DIAPH2: variants seen among roughly 807,000 people sequenced by gnomAD.
The protein encoded by DIAPH2 is diaphanous related formin 2.
DIAPH2 carries 35 observed loss-of-function variants against 92.7 expected under a neutral mutation model. The observed-to-expected ratio is 0.38, with a 90% confidence interval of 0.29 to 0.50. The LOEUF is 0.50. Ranked by LOEUF, DIAPH2 falls within the 20% of genes least tolerant of loss-of-function variation. DIAPH2 has a pLI of 0.94. For missense variants in DIAPH2, 701 were observed against 819.5 expected (o/e 0.86, Z 1.77); for synonymous variants, 301 against 280.4 (o/e 1.07, Z -0.73).
Position 96,870,875 on chromosome X carries a change from A to G in DIAPH2, c.448-10704A>G, listed in dbSNP as rs184112634. On this transcript the variant is annotated intron_variant, in intron 4 of 26. Transcript: ENST00000324765. ...GCAGTTTATATCTAGGCTGTAGGAT[A>G]CATTTATAATCTGCAAAAGTATTAT... Among the ~76,000 whole-genome samples, 164 of 112,247 alleles carry G rather than the reference A, an allele frequency of 1.5e-3. 1 individual carries two copies. Among genetic ancestry groups the G allele is most frequent in the African/African-American group, 4.9e-3 (153 of 30,920 alleles).
intron 17 of DIAPH2, among the ~76,000 whole-genome samples, chrX:97,029,494 T>C (rs1002636490): frequency 2.7e-5 from 3 of 111,847 alleles, no homozygotes; most frequent in African/African-American, 9.7e-5. Context: ...TTCATTTTCA[T>C]GTTAGTGTCT....
chrX:96,950,957 AG>A (rs1485011772), intron 15 of DIAPH2, among the ~76,000 whole-genome samples: 1 of 111,751 alleles, frequency 8.9e-6, no homozygotes, highest in African/African-American at 3.3e-5. Context: ...GATTAGTTAC[AG>A]AAATGGCAAT....
intron 3 of DIAPH2, among the ~76,000 whole-genome samples, chrX:96,740,721 A>C (rs2064113987): frequency 9.0e-6 from 1 of 111,622 alleles, no homozygotes; most frequent in African/African-American, 3.3e-5. Context: ...CATGGCTATT[A>C]AAATAGCCTC....
chrX:97,193,709 T>G (rs1267031689), intron 22 of DIAPH2, among the ~76,000 whole-genome samples: 6 of 112,108 alleles, frequency 5.4e-5, no homozygotes, highest in Non-Finnish European at 1.1e-4. Flanking sequence ...AATTACATGT[T>G]ATATGCATTT....
At chrX:96,857,157 T>C (rs1023739460) in intron 4 of DIAPH2, among the ~76,000 whole-genome samples, 7 of 111,842 alleles carry the variant, frequency 6.3e-5, no homozygotes, top group Non-Finnish European at 1.3e-4. Context: ...TTCTGAATTC[T>C]GGGGTTTTTT....
chrX:96,957,876 C>A lies in DIAPH2; in HGVS notation c.1663C>A (p.Pro555Thr). The A allele has an allele frequency of 8.3e-7, 1 of 1,211,136 alleles. No individual in the cohort carries two copies. Among genetic ancestry groups the A allele is most frequent in the South Asian group, 1.8e-5 (1 of 56,914 alleles). The change falls in exon 16 of 27, where the codon CCT (proline) becomes ACT (threonine). Residue 555 changes from proline (P) to threonine (T), a missense_variant. Coordinates refer to ENST00000324765, the MANE Select transcript of DIAPH2 (RefSeq NM_006729.5). ...AGGAATTCCAGGTCCTCCTGCAGCA[C>A]CTCCATTGCCAGGTGTAGGGCCGCC... Reference protein sequence around the residue: ...SSGIPGPPAAPPLPGVGPPPP... With the variant: ...SSGIPGPPAATPLPGVGPPPP...
intron 21 of DIAPH2, among the ~76,000 whole-genome samples, chrX:97,122,128 C>A (rs185324839): frequency 9.0e-6 from 1 of 111,387 alleles, no homozygotes; most frequent in Non-Finnish European, 1.9e-5. Context: ...ATTATAGAAC[C>A]AACTCTGGCA....
At chrX:97,185,503 A>ATG (rs1374067004) in intron 22 of DIAPH2, among the ~76,000 whole-genome samples, 2 of 58,851 alleles carry the variant, frequency 3.4e-5, no homozygotes, top group African/African-American at 1.3e-4. Context: ...ATATATATAT[A>ATG]TATATATATA....
intron 23 of DIAPH2, among the ~76,000 whole-genome samples, chrX:97,262,456 C>A (rs2068296618): frequency 8.9e-6 from 1 of 111,984 alleles, no homozygotes; most frequent in African/African-American, 3.2e-5. Context: ...AGACCAGTGG[C>A]TGGATTGCAG....
chrX:96,869,289 C>T (rs1028649959), intron 4 of DIAPH2, among the ~76,000 whole-genome samples: 2 of 110,404 alleles, frequency 1.8e-5, no homozygotes, highest in African/African-American at 6.6e-5. Context: ...TCAGGCCGGA[C>T]GTGGTAGCTC....
At chrX:97,237,468 C>T (rs948700451) in intron 22 of DIAPH2, among the ~76,000 whole-genome samples, 2 of 110,464 alleles carry the variant, frequency 1.8e-5, no homozygotes, top group African/African-American at 6.6e-5. Flanking sequence ...AATATCAAGT[C>T]GAAAAGACTT....
At chrX:97,292,737 C>G (rs185843908) in intron 23 of DIAPH2, among the ~76,000 whole-genome samples, 242 of 110,614 alleles carry the variant, frequency 2.2e-3, no homozygotes, top group African/African-American at 7.2e-3. Flanking sequence ...ATTTTTAAAA[C>G]TAGCTCATAC....
chrX:97,511,903 C>T (rs369298988), intron 26 of DIAPH2, among the ~76,000 whole-genome samples: 27,283 of 101,450 alleles, frequency 0.27, 946 homozygotes, highest in East Asian at 0.34. Context: ...CTGCTGGATT[C>T]GGTTTGCCAG....
chrX:97,325,407 ATTGAATAT>A (rs1456034244), intron 23 of DIAPH2, among the ~76,000 whole-genome samples: 23 of 111,681 alleles, frequency 2.1e-4, no homozygotes, highest in African/African-American at 7.2e-4. Context: ...TAATGGCTAC[ATTGAATAT>A]TAGTAGTTGA....
At chrX:96,961,888 C>T (rs867413752) in intron 16 of DIAPH2, among the ~76,000 whole-genome samples, 5 of 109,512 alleles carry the variant, frequency 4.6e-5, no homozygotes, top group South Asian at 3.9e-4. Context: ...AGAAGATACT[C>T]GATATGATTT....
intron 19 of DIAPH2, among the ~76,000 whole-genome samples, chrX:97,094,531 C>T (rs1225696262): frequency 8.9e-6 from 1 of 111,803 alleles, no homozygotes; most frequent in East Asian, 2.8e-4. Context: ...AATGCTCCAC[C>T]CCCAAATACT....
chrX:97,001,150 T>G (rs1219134646), intron 17 of DIAPH2, among the ~76,000 whole-genome samples: 1 of 112,034 alleles, frequency 8.9e-6, no homozygotes, highest in Non-Finnish European at 1.9e-5. Flanking sequence ...CTCAACCTGT[T>G]TCTAGCTTTT....
intron 17 of DIAPH2, among the ~76,000 whole-genome samples, chrX:97,057,047 T>C (rs934910752): frequency 7.1e-5 from 8 of 112,068 alleles, no homozygotes; most frequent in Non-Finnish European, 5.6e-5. Flanking sequence ...ATTCATTAAA[T>C]AGAAGATATA....
At chrX:97,164,233 C>G (rs893489094) in intron 22 of DIAPH2, among the ~76,000 whole-genome samples, 5 of 111,922 alleles carry the variant, frequency 4.5e-5, no homozygotes, top group Admixed American at 3.8e-4. Flanking sequence ...ATGAAAAGAG[C>G]TAAGTGACAA....
Sources: gnomAD v4.1 joint callset for allele counts (sites outside exome capture counted in the v4.1 genomes callset) on GRCh38, gnomAD v4.1.1 for gene constraint, MANE v1.5 for transcripts, NCBI Gene and HGNC (gene_info 2026-07-23, HGNC 2026-07-21) for gene names.